Variants in SLC8A1 observed in about 807,000 individuals in gnomAD.
SLC8A1 encodes the protein solute carrier family 8 member A1, also known as sodium/calcium exchanger 1.
Under a neutral mutation model 68.3 loss-of-function variants are expected in SLC8A1, and 18 were observed. The observed-to-expected ratio is 0.26, with a 90% CI of 0.18 to 0.39. The LOEUF (loss-of-function observed/expected upper bound fraction) is 0.39. Ranked by LOEUF, SLC8A1 falls within the 10% of genes least tolerant of loss-of-function variation. The pLI, the probability that SLC8A1 is intolerant of heterozygous loss-of-function variation, is 1.00. For missense variants in SLC8A1, 985 were observed against 1,156.7 expected (o/e 0.85, Z 2.15); for synonymous variants, 475 against 415.5 (o/e 1.14, Z -1.74).
chr2:40,471,346 C>T (rs566307983), intron 1 of SLC8A1, among the ~76,000 whole-genome samples: 4 of 152,146 alleles, frequency 2.6e-5, no homozygotes, highest in South Asian at 4.2e-4. Flanking sequence ...TCTTTTCTAC[C>T]TTGAAAGTCC....
At chr2:40,130,764 T>C (rs1237908544) in intron 7 of SLC8A1, among the ~76,000 whole-genome samples, 5 of 152,178 alleles carry the variant, frequency 3.3e-5, no homozygotes, top group African/African-American at 1.2e-4. Flanking sequence ...TCCAATTAAA[T>C]ATGTATGCAC....
At chr2:40,290,219 G>C (rs940944663) in intron 2 of SLC8A1, among the ~76,000 whole-genome samples, 1 of 149,932 alleles carries the variant, frequency 6.7e-6, no homozygotes, top group Non-Finnish European at 1.5e-5. Flanking sequence ...GAAAGTGAAA[G>C]AATGGGAAAC....
intron 2 of SLC8A1, among the ~76,000 whole-genome samples, chr2:40,228,690 A>G (rs1289335411): frequency 2.0e-5 from 3 of 152,190 alleles, no homozygotes; most frequent in Non-Finnish European, 2.9e-5. Context: ...CTATGCAGAT[A>G]TCTGCTGCCA....
intron 2 of SLC8A1, among the ~76,000 whole-genome samples, chr2:40,409,927 C>G (rs902583777): frequency 3.3e-5 from 5 of 151,870 alleles, no homozygotes; most frequent in Non-Finnish European, 7.4e-5. Context: ...CATCCCTGCC[C>G]CAACAAAACT....
intron 2 of SLC8A1, among the ~76,000 whole-genome samples, chr2:40,359,163 A>G (rs985804900): frequency 2.6e-5 from 4 of 152,174 alleles, no homozygotes; most frequent in African/African-American, 9.7e-5. Context: ...GGGCTAGTTC[A>G]AAATATATGG....
intron 1 of SLC8A1, among the ~76,000 whole-genome samples, chr2:40,511,769 G>C (rs771605618): frequency 6.6e-6 from 1 of 152,120 alleles, no homozygotes; most frequent in African/African-American, 2.4e-5. Context: ...TTCAACTTGC[G>C]TAAGACCCCG....
chr2:40,479,780 T>TA (rs1249493358), intron 1 of SLC8A1, among the ~76,000 whole-genome samples: 2 of 152,140 alleles, frequency 1.3e-5, no homozygotes, highest in African/African-American at 4.8e-5. Flanking sequence ...GAAAAACAAT[T>TA]AAAAAACCAT....
intron 2 of SLC8A1, among the ~76,000 whole-genome samples, chr2:40,220,791 A>C (rs1032915433): frequency 6.6e-6 from 1 of 152,094 alleles, no homozygotes; most frequent in Non-Finnish European, 1.5e-5. Context: ...AGAATGATGC[A>C]AGATTGTAAC....
At chr2:40,271,013 C>A (rs1220842611) in intron 2 of SLC8A1, among the ~76,000 whole-genome samples, 2 of 152,192 alleles carry the variant, frequency 1.3e-5, no homozygotes, top group Non-Finnish European at 2.9e-5. Flanking sequence ...CCTAATCTTC[C>A]TCACTGGTCC....
At chr2:40,241,263 C>A (rs980486412) in intron 2 of SLC8A1, among the ~76,000 whole-genome samples, 1 of 152,150 alleles carries the variant, frequency 6.6e-6, no homozygotes, top group Non-Finnish European at 1.5e-5. Context: ...AAACCAAATA[C>A]CACGTGTTCT....
chr2:40,309,400 G>C (rs1307222978), intron 2 of SLC8A1, among the ~76,000 whole-genome samples: 1 of 151,976 alleles, frequency 6.6e-6, no homozygotes, highest in Non-Finnish European at 1.5e-5. Context: ...TTTTTGGCTG[G>C]AGCTACCTGA....
At chr2:40,219,164 G>T (rs1337597821) in intron 2 of SLC8A1, among the ~76,000 whole-genome samples, 1 of 152,250 alleles carries the variant, frequency 6.6e-6, no homozygotes, top group African/African-American at 2.4e-5. Context: ...GGATGCTGGA[G>T]CGGAGTTGGG....
At chr2:40,328,962 C>A (rs1242067091) in intron 2 of SLC8A1, among the ~76,000 whole-genome samples, 2 of 151,940 alleles carry the variant, frequency 1.3e-5, no homozygotes, top group East Asian at 3.9e-4. Flanking sequence ...TCTAGAAAAC[C>A]AGCAAAGCCC....
At chr2:40,203,471 A>C (rs17504446) in intron 2 of SLC8A1, among the ~76,000 whole-genome samples, 68,203 of 151,842 alleles carry the variant, frequency 0.45, 18,026 homozygotes, top group Non-Finnish European at 0.61. Flanking sequence ...TTACATCCAT[A>C]AACTACTCCC....
intron 2 of SLC8A1, among the ~76,000 whole-genome samples, chr2:40,242,693 A>G (rs187165256): frequency 5.5e-4 from 84 of 152,334 alleles, no homozygotes; most frequent in African/African-American, 1.9e-3. Context: ...GAAGCAAACC[A>G]AAATCCAGAG....
At chr2:40,276,114 C>T (rs796489372) in intron 2 of SLC8A1, among the ~76,000 whole-genome samples, 24 of 152,304 alleles carry the variant, frequency 1.6e-4, no homozygotes, top group African/African-American at 5.8e-4. Flanking sequence ...GCATATTTGG[C>T]AAGCTTTTGA....
At chr2:40,368,762 C>G (rs966650727) in intron 2 of SLC8A1, among the ~76,000 whole-genome samples, 1 of 151,666 alleles carries the variant, frequency 6.6e-6, no homozygotes, top group Non-Finnish European at 1.5e-5. Flanking sequence ...ATGTGTTGTT[C>G]CCCTCTATGT....
At chr2:40,176,954 C>T (rs891207907) in intron 3 of SLC8A1, among the ~76,000 whole-genome samples, 7 of 152,102 alleles carry the variant, frequency 4.6e-5, no homozygotes, top group Non-Finnish European at 1.0e-4. Context: ...AAAGCTGATA[C>T]AAGATTGCTG....
chr2:40,374,221 A>T (rs1306055559), intron 2 of SLC8A1, among the ~76,000 whole-genome samples: 2 of 152,052 alleles, frequency 1.3e-5, no homozygotes, highest in Non-Finnish European at 2.9e-5. Context: ...TAAAGAAAAG[A>T]TGGAATAAGG....
Sources: allele counts gnomAD v4.1 joint callset (sites outside exome capture counted in the v4.1 genomes callset), GRCh38; gene constraint gnomAD v4.1.1; transcripts MANE v1.5; gene names NCBI Gene and HGNC (gene_info 2026-07-23, HGNC 2026-07-21).